The following MEI4 variants were observed in gnomAD, a reference collection of about 807,000 sequenced individuals.
MEI4 encodes meiosis-specific protein MEI4.
MEI4 carries 27 observed loss-of-function variants against 31.4 expected under a neutral mutation model. That is an observed-to-expected ratio of 0.86 (90% CI 0.63 to 1.19). MEI4 has a LOEUF of 1.19. MEI4 is among the 50% of genes most tolerant of loss of function. The probability of loss-of-function intolerance (pLI) is 0.00; values close to 1 mark genes in which losing one functional copy is unlikely to be tolerated. For missense variants in MEI4, 329 were observed against 398.9 expected (o/e 0.82, Z 1.49); for synonymous variants, 122 against 145.4 (o/e 0.84, Z 1.16).
intron 4 of MEI4, among the ~76,000 whole-genome samples, chr6:77,834,668 C>T (rs1770170581): frequency 6.6e-6 from 1 of 151,956 alleles, no homozygotes; most frequent in East Asian, 1.9e-4. Flanking sequence ...GCCACTGGGC[C>T]CCGATCAGAT....
Position 77,926,655 on chromosome 6 carries a change from C to T in MEI4, c.*3309C>T, listed in dbSNP as rs1349983467. 6.6e-6 allele frequency: 1 copy of T among 151,904 alleles called. No individual in the cohort carries two copies. Among genetic ancestry groups the T allele is most frequent in the African/African-American group, 2.4e-5 (1 of 41,410 alleles). 9.4% of individuals were successfully genotyped at this position (151,904 alleles called of 1,614,324 possible). A position where few individuals can be genotyped will look rare whatever the true frequency, so the allele number is the denominator to read the frequency against. Reference sequence around the variant, plus strand: ...CGCCATATTATGGGGAAAATATTGACAGCTCTGCTTTATTGTAACCTAATT... The same window carrying T: ...CGCCATATTATGGGGAAAATATTGATAGCTCTGCTTTATTGTAACCTAATT... On this transcript the variant is annotated 3_prime_UTR_variant, in exon 5 of 5. Coordinates refer to ENST00000684080, the MANE Select transcript of MEI4 (RefSeq NM_001322247.2).
intron 4 of MEI4, among the ~76,000 whole-genome samples, chr6:77,878,919 C>CG (rs1771411831): frequency 6.6e-6 from 1 of 151,942 alleles, no homozygotes; most frequent in African/African-American, 2.4e-5. Flanking sequence ...AGACAGTTAC[C>CG]GAAGGTGGAA....
chr6:77,709,358 T>A lies in MEI4; in HGVS notation c.232+18455T>A, dbSNP rs575275464. ...TCTTGTGGTGCTGGATTCCATGAGA[T>A]CTTGTACCCAGTGTTTTCTCAAATA... is the stretch of plus-strand genomic sequence containing the variant. On this transcript the variant is annotated intron_variant, in intron 2 of 4. Coordinates refer to ENST00000684080, the MANE Select transcript of MEI4 (RefSeq NM_001322247.2). Among the ~76,000 whole-genome samples, 60 of 152,312 alleles carry A rather than the reference T, an allele frequency of 3.9e-4. 1 individual carries two copies. Among genetic ancestry groups the A allele is most frequent in the Admixed American group, 2.3e-3 (35 of 15,300 alleles).
At chr6:77,893,017 G>T (rs1766001143) in intron 4 of MEI4, among the ~76,000 whole-genome samples, 1 of 152,118 alleles carries the variant, frequency 6.6e-6, no homozygotes, top group East Asian at 1.9e-4. Context: ...TGTGGAAAAA[G>T]ATATTTTTCC....
intron 3 of MEI4, among the ~76,000 whole-genome samples, chr6:77,807,795 C>T (rs1244762156): frequency 6.6e-6 from 1 of 152,124 alleles, no homozygotes; most frequent in Non-Finnish European, 1.5e-5. Context: ...TATGGTCATG[C>T]ATTTTGAAAA....
At chr6:77,869,420 C>T (rs1380198876) in intron 4 of MEI4, among the ~76,000 whole-genome samples, 1 of 152,048 alleles carries the variant, frequency 6.6e-6, no homozygotes, top group Non-Finnish European at 1.5e-5. Flanking sequence ...AGGATGTGCC[C>T]TAATCCAATC....
chr6:77,714,746 G>A (rs1427406753), intron 2 of MEI4, among the ~76,000 whole-genome samples: 1 of 152,090 alleles, frequency 6.6e-6, no homozygotes, highest in Non-Finnish European at 1.5e-5. Flanking sequence ...ACCATTGCTT[G>A]GTGCCCCTGC....
intron 2 of MEI4, among the ~76,000 whole-genome samples, chr6:77,695,275 C>T (rs1439446024): frequency 1.3e-5 from 2 of 152,032 alleles, no homozygotes; most frequent in East Asian, 1.9e-4. Flanking sequence ...GAATTAGATC[C>T]CATTTGTCAA....
rs1768328444 is a variant in MEI4 at position 77,653,085 on chromosome 6, G to C, written c.-22G>C. Among the ~76,000 whole-genome samples the C allele has an allele frequency of 6.6e-6, 1 of 152,136 alleles. No individual in the cohort carries two copies. The highest frequency in any genetic ancestry group is 1.5e-5 in the Non-Finnish European group (1 of 68,030). On this transcript the variant is annotated 5_prime_UTR_variant, in exon 1 of 5. Transcript: ENST00000684080. ...GTTATCATCTCATTTCTGCTTCTCT[G>C]TTTACTGGTGAGCTGGTTCTCCACT...
intron 4 of MEI4, among the ~76,000 whole-genome samples, chr6:77,845,769 CT>C (rs11294531): frequency 0.21 from 32,449 of 151,646 alleles, 4,129 homozygotes; most frequent in African/African-American, 0.36. Flanking sequence ...GATGTTCTTC[CT>C]GTTTATATAT....
intron 4 of MEI4, among the ~76,000 whole-genome samples, chr6:77,840,290 T>G (rs1770327834): frequency 6.6e-6 from 1 of 152,130 alleles, no homozygotes; most frequent in Admixed American, 6.5e-5. Context: ...GACAGGTCAG[T>G]TGAAATGATC....
At chr6:77,748,423 C>T (rs1767671592) in intron 2 of MEI4, among the ~76,000 whole-genome samples, 1 of 152,202 alleles carries the variant, frequency 6.6e-6, no homozygotes, top group African/African-American at 2.4e-5. Flanking sequence ...AAGCAATAGC[C>T]CAAGCTTTAC....
chr6:77,672,987 C>T (rs1334383670), intron 1 of MEI4, among the ~76,000 whole-genome samples: 2 of 152,150 alleles, frequency 1.3e-5, no homozygotes, highest in Admixed American at 1.3e-4. Context: ...ACTTTAATAA[C>T]AGCAATCATG....
In MEI4 at chr6:77,746,643, G is replaced by A. The variant is rs899037275; in HGVS notation, c.233-14487G>A. Among the ~76,000 whole-genome samples the A allele has an allele frequency of 4.8e-4, 9 of 18,822 alleles. No homozygotes were observed. The Admixed American group carries it at 5.5e-3, about 11-fold the overall frequency. The allele number at this position is 18,822 out of a possible 152,430, so 12.3% of individuals were successfully genotyped here. A position where few individuals can be genotyped will look rare whatever the true frequency, so the allele number is the denominator to read the frequency against. ...CAGTTTCTTAAAATATATGGCGTGTGTGTGTGTGTGTGTGTGTGTGTGTGT... is the reference window on the plus strand; with the variant it reads ...CAGTTTCTTAAAATATATGGCGTGTATGTGTGTGTGTGTGTGTGTGTGTGT... On this transcript the variant is annotated intron_variant, in intron 2 of 4. Coordinates refer to ENST00000684080, the MANE Select transcript of MEI4 (RefSeq NM_001322247.2).
At chr6:77,785,142 A>G (rs1333789654) in intron 3 of MEI4, among the ~76,000 whole-genome samples, 1 of 152,196 alleles carries the variant, frequency 6.6e-6, no homozygotes, top group Non-Finnish European at 1.5e-5. Context: ...GGAAATCTAT[A>G]TGCCTTCTCT....
intron 1 of MEI4, among the ~76,000 whole-genome samples, chr6:77,676,621 G>C (rs1190106504): frequency 6.6e-6 from 1 of 152,158 alleles, no homozygotes; most frequent in Non-Finnish European, 1.5e-5. Context: ...AATGATATGG[G>C]TGGTTGGTGA....
At chr6:77,732,614 T>TTTATTTCC (rs200352300) in intron 2 of MEI4, among the ~76,000 whole-genome samples, 20,754 of 151,646 alleles carry the variant, frequency 0.14, 1,534 homozygotes, top group Middle Eastern at 0.21. Flanking sequence ...TTGAATACCC[T>TTTATTTCC]TTATTTCCTT....
At chr6:77,742,407 C>A (rs1195795020) in intron 2 of MEI4, among the ~76,000 whole-genome samples, 3 of 152,100 alleles carry the variant, frequency 2.0e-5, no homozygotes, top group Non-Finnish European at 4.4e-5. Flanking sequence ...TTTTTGGCTG[C>A]ATAAATGTCT....
intron 4 of MEI4, among the ~76,000 whole-genome samples, chr6:77,843,183 T>A (rs145565931): frequency 6.6e-6 from 1 of 151,756 alleles, no homozygotes; most frequent in South Asian, 2.1e-4. Flanking sequence ...TAAATTATGC[T>A]ATGCCTTAGT....
Sources: allele counts gnomAD v4.1 joint callset (sites outside exome capture counted in the v4.1 genomes callset), GRCh38; gene constraint gnomAD v4.1.1; transcripts MANE v1.5; gene names NCBI Gene and HGNC (gene_info 2026-07-23, HGNC 2026-07-21).